DCC: variants seen among roughly 807,000 people sequenced by gnomAD.
The protein encoded by DCC is netrin receptor DCC.
Under a neutral mutation model 172.5 loss-of-function variants are expected in DCC, and 58 were observed. The observed-to-expected ratio is 0.34, with a 90% CI of 0.27 to 0.42. The LOEUF (loss-of-function observed/expected upper bound fraction) is 0.42, where lower values mean the gene tolerates loss of function less well. Among genes scored for constraint, DCC ranks in the 10% least tolerant of loss-of-function variants. The pLI is 1.00. For missense variants in DCC, 1,740 were observed against 1,791.0 expected (o/e 0.97, Z 0.51); for synonymous variants, 709 against 644.5 (o/e 1.10, Z -1.52).
chr18:52,796,575 A>G (rs918005915), intron 2 of DCC, among the ~76,000 whole-genome samples: 2 of 152,106 alleles, frequency 1.3e-5, no homozygotes, highest in Admixed American at 1.3e-4. Flanking sequence ...TTTGAAAGAT[A>G]CCTTTGCTGG....
At chr18:52,666,234 C>T (rs373361919) in intron 1 of DCC, among the ~76,000 whole-genome samples, 2 of 151,932 alleles carry the variant, frequency 1.3e-5, no homozygotes, top group Non-Finnish European at 2.9e-5. Flanking sequence ...GCGGAGGTTG[C>T]GGTGAGCCAA....
intron 14 of DCC, among the ~76,000 whole-genome samples, chr18:53,324,252 G>T (rs1311762780): frequency 6.6e-6 from 1 of 152,134 alleles, no homozygotes; most frequent in African/African-American, 2.4e-5. Context: ...TGTGGAGCTA[G>T]AAAAAGTCAC....
rs578140627 is a variant in DCC, at chr18:53,253,152, C to T, written c.1911+37555C>T. Among the ~76,000 whole-genome samples, 104 of 151,926 alleles carry T rather than the reference C, an allele frequency of 6.8e-4. 1 individual carries two copies. Among genetic ancestry groups the T allele is most frequent in the Admixed American group, 2.6e-3 (39 of 15,238 alleles). On this transcript the variant is annotated intron_variant, in intron 12 of 28. Coordinates refer to ENST00000442544, the MANE Select transcript of DCC (RefSeq NM_005215.4). Reference sequence around the variant, plus strand: ...CAGATGTAAATGATCCAAACCGAGACAGTCAGTAGGATCCGGAATATTTTG... The same window carrying T: ...CAGATGTAAATGATCCAAACCGAGATAGTCAGTAGGATCCGGAATATTTTG...
chr18:53,459,155 C>CT, intron 23 of DCC, 77 bp from the exon 24 acceptor site: 7 of 1,198,152 alleles, frequency 5.8e-6, no homozygotes, highest in Non-Finnish European at 8.7e-6. Context: ...CTGCTTCTAA[C>CT]TTGAATTGAC....
At chr18:52,487,380 T>C (rs1366645997) in intron 1 of DCC, among the ~76,000 whole-genome samples, 1 of 152,172 alleles carries the variant, frequency 6.6e-6, no homozygotes, top group Non-Finnish European at 1.5e-5. Context: ...ACTCAGTACC[T>C]AGAAGTGCTT....
At chr18:52,532,636 T>G (rs1171816163) in intron 1 of DCC, among the ~76,000 whole-genome samples, 1 of 152,076 alleles carries the variant, frequency 6.6e-6, no homozygotes, top group African/African-American at 2.4e-5. Flanking sequence ...TTTTTTCAAA[T>G]GAGTAATTCA....
In DCC at chr18:52,796,070, TTC is replaced by T. The variant is rs1329545997; in HGVS notation, c.412+43698_412+43699del. 5.7e-4 allele frequency among the ~76,000 whole-genome samples: 85 copies of T among 147,836 alleles called. 1 individual carries two copies. The highest frequency in any genetic ancestry group is 2.2e-4 in the South Asian group (1 of 4,586). The stretch of plus-strand genomic sequence containing the variant: ...TCTATAGGTACAGTTACTTTTTTTT[TTC>T]TGCTTTTGGTTTCCATTTACATGGA... On this transcript the variant is annotated intron_variant, in intron 2 of 28. Coordinates refer to ENST00000442544, the MANE Select transcript of DCC (RefSeq NM_005215.4).
chr18:52,811,461 C>T (rs1250439294), intron 2 of DCC, among the ~76,000 whole-genome samples: 4 of 152,096 alleles, frequency 2.6e-5, no homozygotes, highest in Non-Finnish European at 5.9e-5. Context: ...TGAAATTGGG[C>T]AAATAACTTA....
chr18:53,396,256 G>A (rs1268846912), intron 17 of DCC, among the ~76,000 whole-genome samples: 5 of 152,030 alleles, frequency 3.3e-5, no homozygotes, highest in South Asian at 2.1e-4. Flanking sequence ...TTCGAAGAAC[G>A]ATACCTCATA....
chr18:53,248,754 A>T (rs191517423), intron 12 of DCC, among the ~76,000 whole-genome samples: 165 of 152,190 alleles, frequency 1.1e-3, no homozygotes, highest in African/African-American at 3.5e-3. Flanking sequence ...AGCCAGAGAA[A>T]TTGGATGATG....
intron 5 of DCC, among the ~76,000 whole-genome samples, chr18:53,021,005 C>T (rs1568249591): frequency 6.6e-6 from 1 of 152,158 alleles, no homozygotes; most frequent in Non-Finnish European, 1.5e-5. Flanking sequence ...ATGCAACCAA[C>T]CAGCTGTGGC....
rs372584826 is a variant in DCC, at chr18:52,551,599, T to TA, written c.92-200454dup. ...AAAGATGTTCTTCCTACATTTTTAG[T>TA]AGTAACACTGCTCATTTTTACAAGC... is the stretch of plus-strand genomic sequence containing the variant. On this transcript the variant is annotated intron_variant, in intron 1 of 28. Coordinates refer to ENST00000442544, the MANE Select transcript of DCC (RefSeq NM_005215.4). 2.6e-3 allele frequency among the ~76,000 whole-genome samples: 402 copies of TA among 152,120 alleles called. 6 individuals carry two copies. The highest frequency in any genetic ancestry group is 0.015 in the South Asian group (70 of 4,824).
chr18:53,422,856 C>T (rs1910707993), intron 21 of DCC, among the ~76,000 whole-genome samples: 1 of 152,118 alleles, frequency 6.6e-6, no homozygotes, highest in Non-Finnish European at 1.5e-5. Flanking sequence ...TATTATTGTG[C>T]ATAGTTTCAA....
intron 1 of DCC, among the ~76,000 whole-genome samples, chr18:52,567,635 T>C (rs2033190078): frequency 2.0e-5 from 3 of 152,110 alleles, no homozygotes; most frequent in African/African-American, 7.2e-5. Context: ...ACACAGAGTA[T>C]GGAATGATAG....
At chr18:52,499,430 G>C (rs2030936695) in intron 1 of DCC, among the ~76,000 whole-genome samples, 1 of 152,204 alleles carries the variant, frequency 6.6e-6, no homozygotes, top group South Asian at 2.1e-4. Flanking sequence ...CCAGTCCTCT[G>C]TAGTATCAGG....
chr18:52,777,334 C>T (rs962478314), intron 2 of DCC, among the ~76,000 whole-genome samples: 4 of 152,076 alleles, frequency 2.6e-5, no homozygotes, highest in Non-Finnish European at 4.4e-5. Flanking sequence ...CAGGCCTTGC[C>T]TTCTCAGGCT....
At chr18:52,557,773 C>T (rs561927530) in intron 1 of DCC, among the ~76,000 whole-genome samples, 11 of 152,294 alleles carry the variant, frequency 7.2e-5, no homozygotes, top group Admixed American at 4.6e-4. Flanking sequence ...CATTCTCATG[C>T]CTCAGCCCCC....
At chr18:52,552,421 G>A (rs1252051210) in intron 1 of DCC, among the ~76,000 whole-genome samples, 1 of 152,044 alleles carries the variant, frequency 6.6e-6, no homozygotes, top group Non-Finnish European at 1.5e-5. Context: ...GGTTGAATAG[G>A]TTGGAAACAA....
chr18:53,083,660 T>C (rs548713040), intron 7 of DCC, among the ~76,000 whole-genome samples: 1 of 152,266 alleles, frequency 6.6e-6, no homozygotes, highest in Non-Finnish European at 1.5e-5. Flanking sequence ...AAAAAAAATA[T>C]GATGGCATAC....
Sources: gnomAD v4.1 joint callset for allele counts (sites outside exome capture counted in the v4.1 genomes callset) on GRCh38, gnomAD v4.1.1 for gene constraint, MANE v1.5 for transcripts, NCBI Gene and HGNC (gene_info 2026-07-23, HGNC 2026-07-21) for gene names.